The following SOX5 variants were observed in gnomAD, a reference collection of about 807,000 sequenced individuals.
SOX5 encodes SRY-box transcription factor 5.
SOX5 carries 9 observed loss-of-function variants against 92.0 expected under a neutral mutation model. The observed-to-expected ratio is 0.10, with a 90% CI of 0.06 to 0.17. The LOEUF (loss-of-function observed/expected upper bound fraction) is 0.17. SOX5 is among the 10% of genes least tolerant of loss of function. The pLI is 1.00. For missense variants in SOX5, 642 were observed against 944.5 expected, an observed-to-expected ratio of 0.68 and a Z score of 4.20; for synonymous variants, 344 against 336.3, an observed-to-expected ratio of 1.02 and a Z score of -0.25.
chr12:24,382,961 C>T (rs1010674279), intron 1 of SOX5, among the ~76,000 whole-genome samples: 14 of 152,162 alleles, frequency 9.2e-5, no homozygotes, highest in African/African-American at 3.4e-4. Context: ...CATGTGGATA[C>T]GTGTGTCTGG....
intron 1 of SOX5, among the ~76,000 whole-genome samples, chr12:23,940,973 T>C (rs1009486903): frequency 7.3e-5 from 11 of 151,498 alleles, no homozygotes; most frequent in African/African-American, 2.4e-4. Flanking sequence ...GGAATACTAT[T>C]ATATGTTCCT....
intron 2 of SOX5, among the ~76,000 whole-genome samples, chr12:24,284,402 G>C (rs1411319810): frequency 1.4e-5 from 2 of 145,656 alleles, no homozygotes; most frequent in South Asian, 4.8e-4. Context: ...GAGGTGTAAG[G>C]AGAATGTGGG....
chr12:24,339,492 G>A (rs1461447324), intron 2 of SOX5, among the ~76,000 whole-genome samples: 1 of 152,204 alleles, frequency 6.6e-6, no homozygotes, highest in Non-Finnish European at 1.5e-5. Context: ...GAGGAAGCCA[G>A]GTAGGAAACT....
intron 11 of SOX5, among the ~76,000 whole-genome samples, chr12:23,546,712 A>G (rs17466501): frequency 0.14 from 21,246 of 152,152 alleles, 1,987 homozygotes; most frequent in Non-Finnish European, 0.21. Flanking sequence ...AAATTACAAA[A>G]TGTGCACAGA....
intron 3 of SOX5, among the ~76,000 whole-genome samples, chr12:23,766,209 C>T (rs1425319244): frequency 1.3e-5 from 2 of 152,050 alleles, no homozygotes; most frequent in Non-Finnish European, 2.9e-5. Flanking sequence ...ACTAGACAAC[C>T]AAAAACGGGA....
At chr12:24,185,314 T>G (rs563994507) in intron 4 of SOX5, among the ~76,000 whole-genome samples, 1 of 152,148 alleles carries the variant, frequency 6.6e-6, no homozygotes, top group Non-Finnish European at 1.5e-5. Context: ...TATAGGATTC[T>G]GAGTTCCACC....
At chr12:23,902,071 TTAAG>T (rs780016168) in intron 1 of SOX5, among the ~76,000 whole-genome samples, 2 of 152,150 alleles carry the variant, frequency 1.3e-5, no homozygotes, top group Non-Finnish European at 2.9e-5. Context: ...ATTATAAGAG[TTAAG>T]TAAGTTTACC....
At chr12:24,336,295 A>T (rs181285580) in intron 2 of SOX5, among the ~76,000 whole-genome samples, 1 of 152,054 alleles carries the variant, frequency 6.6e-6, no homozygotes, top group African/African-American at 2.4e-5. Context: ...GTGTTTCACC[A>T]TGTTAGCCAG....
chr12:23,900,829 G>A (rs886119220), intron 1 of SOX5, among the ~76,000 whole-genome samples: 2 of 152,164 alleles, frequency 1.3e-5, no homozygotes, highest in Admixed American at 1.3e-4. Context: ...GTGTGGTGGT[G>A]CACACCTGTA....
At chr12:23,977,199 A>C (rs79203120) in intron 4 of SOX5, among the ~76,000 whole-genome samples, 172 of 152,332 alleles carry the variant, frequency 1.1e-3, no homozygotes, top group African/African-American at 3.9e-3. Context: ...ATTTCATTGA[A>C]GCCATCGCCA....
chr12:23,537,843 G>T (rs1940919761), intron 13 of SOX5, among the ~76,000 whole-genome samples: 1 of 152,140 alleles, frequency 6.6e-6, no homozygotes, highest in African/African-American at 2.4e-5. Context: ...GACCCTCGCG[G>T]TGAGTGTTAC....
chr12:24,458,109 T>G (rs1243892011), intron 1 of SOX5, among the ~76,000 whole-genome samples: 1 of 152,184 alleles, frequency 6.6e-6, no homozygotes, highest in Non-Finnish European at 1.5e-5. Flanking sequence ...AATATCTTGT[T>G]AAAATGCATG....
intron 11 of SOX5, among the ~76,000 whole-genome samples, chr12:23,557,033 A>T (rs1945297442): frequency 6.6e-6 from 1 of 152,200 alleles, no homozygotes; most frequent in Non-Finnish European, 1.5e-5. Context: ...ATTATTAAAC[A>T]TCCACATTAA....
intron 1 of SOX5, among the ~76,000 whole-genome samples, chr12:23,943,313 A>C (rs1384776729): frequency 6.6e-6 from 1 of 152,106 alleles, no homozygotes; most frequent in Non-Finnish European, 1.5e-5. Flanking sequence ...TTAATGCAAG[A>C]AAAATAAACA....
Position 23,673,005 on chromosome 12 carries a change from T to C in SOX5, c.811-7441A>G, listed in dbSNP as rs574457385. ...ATGATGACATGTATTATAAATACAA[T>C]ACATGCTTAAACAAAATATATTTGT... On this transcript the variant is annotated intron_variant, in intron 6 of 14. Transcript: ENST00000451604. Among the ~76,000 whole-genome samples the C allele has an allele frequency of 3.3e-5, 5 of 152,298 alleles. No homozygotes were observed. The South Asian group carries it at 1.0e-3, about 32-fold the overall frequency.
At chr12:23,820,370 G>T (rs750534760) in intron 3 of SOX5, among the ~76,000 whole-genome samples, 4 of 152,126 alleles carry the variant, frequency 2.6e-5, no homozygotes, top group Non-Finnish European at 4.4e-5. Context: ...CCATTCTGTA[G>T]GTTGCATGTT....
At chr12:24,218,251 T>C (rs1959514749) in intron 3 of SOX5, among the ~76,000 whole-genome samples, 1 of 152,098 alleles carries the variant, frequency 6.6e-6, no homozygotes, top group Non-Finnish European at 1.5e-5. Flanking sequence ...AGCTGACAAA[T>C]GAATAAACAA....
chr12:23,608,115 G>GA (rs772255622), intron 8 of SOX5, among the ~76,000 whole-genome samples: 6,273 of 44,160 alleles, frequency 0.14, 354 homozygotes, highest in Middle Eastern at 0.24. Context: ...AAAGAAAAAA[G>GA]AAAAAAAAAA....
intron 4 of SOX5, among the ~76,000 whole-genome samples, chr12:24,195,290 T>C (rs952932267): frequency 6.6e-6 from 1 of 152,284 alleles, no homozygotes; most frequent in East Asian, 1.9e-4. Context: ...AATCATCAAT[T>C]TTTTTAAATT....
Sources: gnomAD v4.1 joint callset for allele counts (sites outside exome capture counted in the v4.1 genomes callset) on GRCh38, gnomAD v4.1.1 for gene constraint, MANE v1.5 for transcripts, NCBI Gene and HGNC (gene_info 2026-07-23, HGNC 2026-07-21) for gene names.